HS3ST5: variants seen among roughly 807,000 people sequenced by gnomAD.
HS3ST5 encodes the protein heparan sulfate glucosamine 3-O-sulfotransferase 5.
Under a neutral mutation model 25.4 loss-of-function variants are expected in HS3ST5, and 10 were observed. The observed-to-expected ratio is 0.39, with a 90% CI of 0.24 to 0.67. The LOEUF is 0.67. Among genes scored for constraint, HS3ST5 ranks in the 30% least tolerant of loss-of-function variants. The probability of loss-of-function intolerance (pLI) is 0.44; values close to 1 mark genes in which losing one functional copy is unlikely to be tolerated. For synonymous variants in HS3ST5, 170 were observed against 162.4 expected (o/e 1.05, Z -0.36); for missense variants, 324 against 420.7 (o/e 0.77, Z 2.01).
At chr6:114,252,554 ACC>A (rs1477353523) in intron 1 of HS3ST5, among the ~76,000 whole-genome samples, 1 of 152,170 alleles carries the variant, frequency 6.6e-6, no homozygotes, top group Non-Finnish European at 1.5e-5. Context: ...TTGTGGGGGT[ACC>A]TAGAATTCTT....
intron 2 of HS3ST5, among the ~76,000 whole-genome samples, chr6:114,214,964 T>G (rs1019732379): frequency 3.3e-5 from 5 of 152,108 alleles, no homozygotes; most frequent in African/African-American, 1.2e-4. Context: ...GATAGAGTAA[T>G]TACTCCCTAT....
intron 1 of HS3ST5, among the ~76,000 whole-genome samples, chr6:114,240,102 G>A (rs371399761): frequency 1.3e-5 from 2 of 151,720 alleles, no homozygotes; most frequent in Non-Finnish European, 1.5e-5. Flanking sequence ...ACTATTTAAC[G>A]AAGGCTCTCC....
intron 2 of HS3ST5, among the ~76,000 whole-genome samples, chr6:114,217,116 G>C (rs981868677): frequency 6.6e-6 from 1 of 152,170 alleles, no homozygotes; most frequent in Non-Finnish European, 1.5e-5. Context: ...GATTTAGCTA[G>C]AAAGCCAACC....
intron 2 of HS3ST5, among the ~76,000 whole-genome samples, chr6:114,197,933 C>T (rs1780839131): frequency 6.6e-6 from 1 of 152,000 alleles, no homozygotes; most frequent in Non-Finnish European, 1.5e-5. Context: ...AGCAATGGAT[C>T]CTAACCAGAT....
At chr6:114,226,236 A>G (rs1771280983) in intron 2 of HS3ST5, among the ~76,000 whole-genome samples, 1 of 152,004 alleles carries the variant, frequency 6.6e-6, no homozygotes, top group Non-Finnish European at 1.5e-5. Context: ...CCAAGGAATT[A>G]ATTGTCATAA....
chr6:114,301,230 T>C (rs1437138505), intron 1 of HS3ST5, among the ~76,000 whole-genome samples: 1 of 152,196 alleles, frequency 6.6e-6, no homozygotes, highest in Non-Finnish European at 1.5e-5. Flanking sequence ...CAAAGGTCAA[T>C]TCTGTGCAAA....
chr6:114,196,672 C>G (rs1780775049), intron 2 of HS3ST5, among the ~76,000 whole-genome samples: 1 of 151,338 alleles, frequency 6.6e-6, no homozygotes. Context: ...AAAAAAAGAC[C>G]TAAAATTCCA....
At chr6:114,241,250 A>T (rs1772112413) in intron 1 of HS3ST5, among the ~76,000 whole-genome samples, 1 of 150,100 alleles carries the variant, frequency 6.7e-6, no homozygotes, top group Non-Finnish European at 1.5e-5. Flanking sequence ...ACCCTCTTTG[A>T]TAAAACTTGC....
At chr6:114,115,352 G>A (rs959180801) in intron 3 of HS3ST5, among the ~76,000 whole-genome samples, 1 of 152,096 alleles carries the variant, frequency 6.6e-6, no homozygotes, top group Non-Finnish European at 1.5e-5. Flanking sequence ...AGTATGTCTA[G>A]CATGAAGTTA....
At chr6:114,092,361 A>C (rs889130192) in intron 3 of HS3ST5, among the ~76,000 whole-genome samples, 1 of 152,336 alleles carries the variant, frequency 6.6e-6, no homozygotes, top group African/African-American at 2.4e-5. Flanking sequence ...TGTAGGCTGA[A>C]TATGATGAGC....
intron 1 of HS3ST5, among the ~76,000 whole-genome samples, chr6:114,263,161 G>C (rs1231479732): frequency 6.6e-6 from 1 of 151,886 alleles, no homozygotes; most frequent in African/African-American, 2.4e-5. Context: ...ATAAAATTTT[G>C]TTTTATTTTT....
chr6:114,235,190 T>G (rs185246237), intron 1 of HS3ST5, among the ~76,000 whole-genome samples: 1 of 152,236 alleles, frequency 6.6e-6, no homozygotes, highest in Admixed American at 6.5e-5. Context: ...ATGAGATTGC[T>G]CATTTATATA....
intron 1 of HS3ST5, among the ~76,000 whole-genome samples, chr6:114,321,160 C>T (rs1337432961): frequency 5.9e-5 from 9 of 151,914 alleles, no homozygotes; most frequent in African/African-American, 1.9e-4. Flanking sequence ...TTATATTTTT[C>T]CCTCATATAG....
intron 1 of HS3ST5, among the ~76,000 whole-genome samples, chr6:114,278,108 T>C (rs1057485383): frequency 3.9e-5 from 6 of 151,912 alleles, no homozygotes; most frequent in African/African-American, 1.4e-4. Flanking sequence ...TTCCTGACAT[T>C]CGGGTTAAGT....
At chr6:114,265,871 C>G in intron 1 of HS3ST5, among the ~76,000 whole-genome samples, 1 of 152,118 alleles carries the variant, frequency 6.6e-6, no homozygotes, top group East Asian at 1.9e-4. Flanking sequence ...TGTTTCAGCA[C>G]CCTATCTCTG....
At chr6:114,341,612 T>G (rs1776877615) in intron 1 of HS3ST5, among the ~76,000 whole-genome samples, 1 of 149,364 alleles carries the variant, frequency 6.7e-6, no homozygotes. Flanking sequence ...CGCGTGTGTG[T>G]TGGGTGGGAA....
At chr6:114,211,036 G>A (rs1200760847) in intron 2 of HS3ST5, among the ~76,000 whole-genome samples, 1 of 152,164 alleles carries the variant, frequency 6.6e-6, no homozygotes, top group Non-Finnish European at 1.5e-5. Context: ...GTAAAGTGCA[G>A]CTTTCAAAAC....
chr6:114,126,746 A>G (rs190105532), intron 3 of HS3ST5, among the ~76,000 whole-genome samples: 17 of 152,108 alleles, frequency 1.1e-4, no homozygotes, highest in Non-Finnish European at 1.8e-4. Context: ...GAGAACTCTC[A>G]GGACCAAAAG....
At chr6:114,208,104 A>G (rs931705129) in intron 2 of HS3ST5, among the ~76,000 whole-genome samples, 3 of 152,206 alleles carry the variant, frequency 2.0e-5, no homozygotes, top group Non-Finnish European at 4.4e-5. Context: ...AATTAAAACT[A>G]GAAATAGTAG....
Sources: allele counts gnomAD v4.1 joint callset (sites outside exome capture counted in the v4.1 genomes callset), GRCh38; gene constraint gnomAD v4.1.1; transcripts MANE v1.5; gene names NCBI Gene and HGNC (gene_info 2026-07-23, HGNC 2026-07-21).